The following IL12RB2 variants were observed in gnomAD, a reference collection of about 807,000 sequenced individuals.
The protein encoded by IL12RB2 is interleukin-12 receptor subunit beta-2.
A neutral mutation model predicts 89.4 loss-of-function variants in IL12RB2; 82 were observed. That is an observed-to-expected ratio of 0.92 (90% CI 0.77 to 1.10). IL12RB2 has a LOEUF of 1.10. Among genes scored for constraint, IL12RB2 ranks in the 50% least tolerant of loss-of-function variants. IL12RB2 has a pLI of 0.00. For missense variants in IL12RB2, 963 were observed against 1,031.9 expected, an observed-to-expected ratio of 0.93 and a Z score of 0.92; for synonymous variants, 368 against 370.1, an observed-to-expected ratio of 0.99 and a Z score of 0.07.
Position 67,396,325 on chromosome 1 carries a change from C to A in IL12RB2, c.*236C>A. On this transcript the variant is annotated 3_prime_UTR_variant, in exon 17 of 17. Coordinates refer to ENST00000674203, the MANE Select transcript of IL12RB2 (RefSeq NM_001374259.2). ...AAAATTACATCCTTCACTGTGTGGACCTAGAGACTCCAACTTGAATTCCTA... is the reference window on the plus strand; with the variant it reads ...AAAATTACATCCTTCACTGTGTGGAACTAGAGACTCCAACTTGAATTCCTA... The A allele has an allele frequency of 1.7e-6, 1 of 588,418 alleles. No individual in the cohort carries two copies. The highest frequency in any genetic ancestry group is 3.0e-6 in the Non-Finnish European group (1 of 328,570). The allele number at this position is 588,418 out of a possible 1,614,324, so 36.4% of individuals were successfully genotyped here.
chr1:67,362,019 C>T (rs1186620632), intron 10 of IL12RB2, among the ~76,000 whole-genome samples: 1 of 152,104 alleles, frequency 6.6e-6, no homozygotes, highest in African/African-American at 2.4e-5. Flanking sequence ...GCGTGTAATC[C>T]CAGCACTTTG....
At chr1:67,355,402 G>A (rs189697294) in intron 10 of IL12RB2, among the ~76,000 whole-genome samples, 3 of 142,768 alleles carry the variant, frequency 2.1e-5, no homozygotes, top group African/African-American at 7.7e-5. Context: ...GCAACAGAGT[G>A]AGAGACCCTG....
At chr1:67,334,138 T>C (rs772076256) in intron 8 of IL12RB2, among the ~76,000 whole-genome samples, 15 of 152,202 alleles carry the variant, frequency 9.9e-5, no homozygotes, top group Non-Finnish European at 2.1e-4. Flanking sequence ...TCTTCCCACA[T>C]TGAGAAGCTA....
chr1:67,321,915 A>G (rs755683328), intron 4 of IL12RB2, 26 bp downstream of exon 4: 3 of 1,595,932 alleles, frequency 1.9e-6, no homozygotes, highest in Non-Finnish European at 2.6e-6. Flanking sequence ...TGAATTTTTA[A>G]AACTTGGTGA....
chr1:67,393,559 C>T (rs1570242032), intron 16 of IL12RB2, among the ~76,000 whole-genome samples: 1 of 152,206 alleles, frequency 6.6e-6, no homozygotes, highest in East Asian at 1.9e-4. Context: ...ACCCACGTGC[C>T]AGGGCCAGTT....
rs373428243 is a variant in IL12RB2, at chr1:67,351,020, G to C, written c.1189G>C (p.Val397Leu). Residue 397 changes from valine (V) to leucine (L), a missense_variant, in exon 10 of 17, where the codon GTG becomes CTG. Coordinates refer to ENST00000674203, the MANE Select transcript of IL12RB2 (RefSeq NM_001374259.2). ...TAGAACCGGAAATTGGGCTGTGGCT[G>C]TGTCTGCAGCAAATTCAAAAGGCAG... The part of the protein sequence containing the change: ...IPRTGNWAVA[V>L]SAANSKGSSL... 3.2e-5 allele frequency: 52 copies of C among 1,613,914 alleles called. No homozygotes were observed. In the African/African-American group the frequency reaches 5.5e-4, roughly 17 times the overall value.
At chr1:67,313,231 C>T (rs1169891144) in intron 1 of IL12RB2, among the ~76,000 whole-genome samples, 1 of 122,332 alleles carries the variant, frequency 8.2e-6, no homozygotes, top group Non-Finnish European at 1.8e-5. Flanking sequence ...GATACGGTTA[C>T]ATATTGTATG....
At chr1:67,341,520 A>AGT (rs869194345) in intron 9 of IL12RB2, among the ~76,000 whole-genome samples, 5 of 121,628 alleles carry the variant, frequency 4.1e-5, no homozygotes, top group Non-Finnish European at 8.9e-5. Flanking sequence ...GAAGGAAAGA[A>AGT]AAAAGAAAGA....
chr1:67,355,151 C>T (rs1000229472), intron 10 of IL12RB2, among the ~76,000 whole-genome samples: 22 of 152,174 alleles, frequency 1.4e-4, no homozygotes, highest in Admixed American at 3.9e-4. Flanking sequence ...CCGTGGCTCA[C>T]GCCTGTAATC....
At chr1:67,363,533 A>C (rs2100949476) in intron 10 of IL12RB2, among the ~76,000 whole-genome samples, 1 of 151,822 alleles carries the variant, frequency 6.6e-6, no homozygotes, top group East Asian at 1.9e-4. Flanking sequence ...CTTATTCTTA[A>C]TTGACCTAAT....
chr1:67,328,089 C>T (rs1036834334), intron 5 of IL12RB2, 111 bp from the exon 6 acceptor site: 2 of 838,504 alleles, frequency 2.4e-6, no homozygotes, highest in Middle Eastern at 2.7e-4. Context: ...TAAGATTGAC[C>T]TTTAAAAATT....
At chr1:67,329,815 T>C in intron 7 of IL12RB2, 86 bp downstream of exon 7, 2 of 949,592 alleles carry the variant, frequency 2.1e-6, no homozygotes, top group Admixed American at 3.4e-5. Flanking sequence ...CAGCAAAAAA[T>C]AGAGTTTAAG....
intron 1 of IL12RB2, among the ~76,000 whole-genome samples, chr1:67,309,304 CAGTT>C (rs969001983): frequency 3.3e-5 from 5 of 152,252 alleles, no homozygotes; most frequent in South Asian, 2.1e-4. Context: ...ATGTTTCACA[CAGTT>C]AGAGAGTTAC....
At chr1:67,381,843 G>A (rs1309465689) in intron 14 of IL12RB2, among the ~76,000 whole-genome samples, 1 of 151,766 alleles carries the variant, frequency 6.6e-6, no homozygotes, top group Non-Finnish European at 1.5e-5. Context: ...AAAATTAGGT[G>A]GGAGCGGTGG....
chr1:67,331,622 G>A (rs1216172787), intron 8 of IL12RB2, among the ~76,000 whole-genome samples: 1 of 152,000 alleles, frequency 6.6e-6, no homozygotes, highest in Non-Finnish European at 1.5e-5. Flanking sequence ...GGCAGATCAC[G>A]AGGTCAGGAG....
rs1320646679 is a variant in IL12RB2 at position 67,397,984 on chromosome 1, C to T, written c.*1895C>T. On this transcript the variant is annotated 3_prime_UTR_variant, in exon 17 of 17. Transcript: ENST00000674203. ...AGAGCTCTAGAAACTGAGCGATGGA[C>T]AGTTGCTCTGCTTCTTCAGGTTGGA... is the stretch of plus-strand genomic sequence containing the variant. Among the ~76,000 whole-genome samples the T allele has an allele frequency of 6.6e-6, 1 of 152,234 alleles. No homozygotes were observed. The highest frequency in any genetic ancestry group is 1.5e-5 in the Non-Finnish European group (1 of 68,036).
intron 8 of IL12RB2, among the ~76,000 whole-genome samples, chr1:67,331,277 C>T (rs1487719990): frequency 6.6e-6 from 1 of 152,154 alleles, no homozygotes; most frequent in African/African-American, 2.4e-5. Context: ...ATCCAGCAAT[C>T]CTCTCTTGTC....
At chr1:67,353,363 G>A (rs1168537597) in intron 10 of IL12RB2, among the ~76,000 whole-genome samples, 1 of 152,088 alleles carries the variant, frequency 6.6e-6, no homozygotes, top group Non-Finnish European at 1.5e-5. Context: ...GAGCCCAGAA[G>A]TTTGAGACCA....
intron 16 of IL12RB2, among the ~76,000 whole-genome samples, chr1:67,391,217 T>C (rs1665772900): frequency 6.6e-6 from 1 of 152,064 alleles, no homozygotes. Flanking sequence ...GAGGATTAAA[T>C]AAGATGCCAT....
Sources: gnomAD v4.1 joint callset for allele counts (sites outside exome capture counted in the v4.1 genomes callset) on GRCh38, gnomAD v4.1.1 for gene constraint, MANE v1.5 for transcripts, NCBI Gene and HGNC (gene_info 2026-07-23, HGNC 2026-07-21) for gene names.